SCLT1: variants seen among roughly 807,000 people sequenced by gnomAD.
SCLT1 encodes sodium channel and clathrin linker 1, also known as sodium channel-associated protein 1.
Under a neutral mutation model 112.8 loss-of-function variants are expected in SCLT1, and 78 were observed. That is an observed-to-expected ratio of 0.69 (90% CI 0.58 to 0.83). The LOEUF (loss-of-function observed/expected upper bound fraction) is 0.83. Among genes scored for constraint, SCLT1 ranks in the 40% least tolerant of loss-of-function variants. The pLI is 0.00. For synonymous variants in SCLT1, 257 were observed against 254.7 expected, an observed-to-expected ratio of 1.01 and a Z score of -0.09; for missense variants, 747 against 770.4, an observed-to-expected ratio of 0.97 and a Z score of 0.36.
chr4:128,918,649 T>C (rs1735652534), intron 18 of SCLT1, among the ~76,000 whole-genome samples: 4 of 152,014 alleles, frequency 2.6e-5, no homozygotes, highest in Admixed American at 2.6e-4. Context: ...GCAAGTTGGA[T>C]GAAGAAGCAA....
At chr4:129,020,341 A>G (rs1418472712) in intron 5 of SCLT1, among the ~76,000 whole-genome samples, 5 of 152,238 alleles carry the variant, frequency 3.3e-5, no homozygotes, top group Non-Finnish European at 5.9e-5. Flanking sequence ...AGACTTAAGT[A>G]GCCTTTGCCC....
chr4:128,975,583 A>C (rs1315591621), intron 9 of SCLT1, among the ~76,000 whole-genome samples: 2 of 152,152 alleles, frequency 1.3e-5, no homozygotes, highest in East Asian at 3.8e-4. Context: ...CCTTTTTTGC[A>C]TACAGTGAAA....
At chr4:129,021,519 A>G (rs1256415994) in intron 5 of SCLT1, among the ~76,000 whole-genome samples, 2 of 152,144 alleles carry the variant, frequency 1.3e-5, no homozygotes, top group African/African-American at 4.8e-5. Flanking sequence ...GGCATCCGCC[A>G]TTACTGAGGC....
downstream of SCLT1, among the ~76,000 whole-genome samples, chr4:128,879,163 G>T (rs971776258): frequency 6.6e-6 from 1 of 151,866 alleles, no homozygotes; most frequent in Admixed American, 6.6e-5. Context: ...TTGTTTTAAG[G>T]TTGATGAATG....
At chr4:129,064,219 A>G (rs1052354002) in intron 2 of SCLT1, among the ~76,000 whole-genome samples, 1 of 152,188 alleles carries the variant, frequency 6.6e-6, no homozygotes, top group African/African-American at 2.4e-5. Context: ...TAAATTTAAG[A>G]TAGTAATAAC....
At chr4:129,074,153 G>A (rs997996171) in intron 2 of SCLT1, among the ~76,000 whole-genome samples, 2 of 151,994 alleles carry the variant, frequency 1.3e-5, no homozygotes, top group Non-Finnish European at 2.9e-5. Context: ...TTTGATATTT[G>A]TCTCATTCCA....
rs112738435 is a variant in SCLT1 at position 129,032,763 on chromosome 4, C to T, written c.290+6278G>A. ...ATGATCACTGGTCATTAGAGAAATG[C>T]GAATCAGAACTACAATGAGATACCA... On this transcript the variant is annotated intron_variant, in intron 5 of 20. Coordinates refer to ENST00000281142, the MANE Select transcript of SCLT1 (RefSeq NM_144643.4). Among the ~76,000 whole-genome samples the T allele has an allele frequency of 4.8e-3, 733 of 151,488 alleles. 4 individuals are homozygous for T. The highest frequency in any genetic ancestry group is 0.016 in the African/African-American group (664 of 41,442).
intron 17 of SCLT1, among the ~76,000 whole-genome samples, chr4:128,941,192 G>T (rs979328833): frequency 6.6e-6 from 1 of 152,078 alleles, no homozygotes; most frequent in African/African-American, 2.4e-5. Flanking sequence ...TACAATTCAA[G>T]ATGAGATTTG....
At chr4:129,082,842 G>A (rs1020627459) in intron 1 of SCLT1, among the ~76,000 whole-genome samples, 1 of 152,156 alleles carries the variant, frequency 6.6e-6, no homozygotes, top group Non-Finnish European at 1.5e-5. Flanking sequence ...TTAAACAGGA[G>A]TGGGTAAGAG....
At position 129,043,394 on chromosome 4, in the gene SCLT1, C is replaced by T. The variant is rs779582427; in HGVS notation, c.234+1G>A. 1.4e-6 allele frequency: 2 copies of T among 1,424,530 alleles called. No individual in the cohort carries two copies. Among genetic ancestry groups the T allele is most frequent in the East Asian group, 2.3e-5 (1 of 43,712 alleles). The allele number at this position is 1,424,530 out of a possible 1,614,324, so 88.2% of individuals were successfully genotyped here. ...AAAGCCTCATAACTATGATTTCATA[C>T]CTGGTAATATTTCAGCTGCCCATTT... On this transcript the variant is annotated splice_donor_variant, in intron 4 of 20. Transcript: ENST00000281142. LOFTEE classifies it high-confidence loss of function.
rs1738858470 is a variant in SCLT1 at position 128,952,679 on chromosome 4, T to A, written c.1218+90A>T. The A allele has an allele frequency of 8.6e-6, 7 of 812,970 alleles. No individual in the cohort carries two copies. In the South Asian group the frequency reaches 1.0e-4, roughly 12 times the overall value. The allele number at this position is 812,970 out of a possible 1,614,324, so 50.4% of individuals were successfully genotyped here. On this transcript the variant is annotated intron_variant, in intron 14 of 20. Transcript: ENST00000281142. ...TAGCCAGGGCTTGGTTTAATAAGTA[T>A]CTTTTGAATGAATGAATCCCCAATA...
intron 9 of SCLT1, chr4:128,972,371 A>T (rs1740762594): frequency 6.6e-6 from 1 of 151,934 alleles, no homozygotes; most frequent in Non-Finnish European, 1.5e-5. Context: ...GTAAAAATAG[A>T]TAATGTATAT....
intron 18 of SCLT1, among the ~76,000 whole-genome samples, chr4:128,922,972 C>T (rs1219021611): frequency 6.6e-6 from 1 of 151,978 alleles, no homozygotes; most frequent in Admixed American, 6.6e-5. Context: ...GTTTAAAATA[C>T]CTTTGATCAG....
At chr4:129,084,801 G>A (rs1752254202) in intron 1 of SCLT1, among the ~76,000 whole-genome samples, 2 of 152,112 alleles carry the variant, frequency 1.3e-5, no homozygotes, top group African/African-American at 4.8e-5. Context: ...ATGGTGCTCG[G>A]ATAACCGGCA....
intron 18 of SCLT1, among the ~76,000 whole-genome samples, chr4:128,926,887 T>C (rs1177494431): frequency 2.0e-5 from 3 of 152,040 alleles, no homozygotes; most frequent in Non-Finnish European, 4.4e-5. Context: ...AAGCTTTGAT[T>C]ACCTTCAGAC....
chr4:128,968,207 T>C (rs1012191738), intron 10 of SCLT1, among the ~76,000 whole-genome samples: 2 of 152,202 alleles, frequency 1.3e-5, no homozygotes, highest in African/African-American at 4.8e-5. Flanking sequence ...ATTACACTTA[T>C]GTTGCATTGC....
chr4:128,895,497 G>A (rs916957739), intron 18 of SCLT1, among the ~76,000 whole-genome samples: 5 of 152,142 alleles, frequency 3.3e-5, no homozygotes, highest in African/African-American at 1.2e-4. Context: ...TTTAGATTGT[G>A]TTTTTCGGAT....
intron 5 of SCLT1, among the ~76,000 whole-genome samples, chr4:129,027,252 AG>A (rs1340367789): frequency 3.3e-5 from 5 of 152,210 alleles, no homozygotes; most frequent in African/African-American, 1.2e-4. Flanking sequence ...CAACCAAAAA[AG>A]AGAATTTTAG....
At chr4:128,875,004 GAAAAAAA>G (rs3069727) in intron 4 of SCLT1, 1 of 132,112 alleles carries the variant, frequency 7.6e-6, no homozygotes, top group African/African-American at 2.6e-5. Flanking sequence ...AGCTAAAATT[GAAAAAAA>G]AAAAAAGGTG....
Sources: allele counts gnomAD v4.1 joint callset (sites outside exome capture counted in the v4.1 genomes callset), GRCh38; gene constraint gnomAD v4.1.1; transcripts MANE v1.5; gene names NCBI Gene and HGNC (gene_info 2026-07-23, HGNC 2026-07-21).